DNAJC15: variants seen among roughly 807,000 people sequenced by gnomAD.
The protein encoded by DNAJC15 is DnaJ heat shock protein family (Hsp40) member C15, also known as dnaJ homolog subfamily C member 15.
In DNAJC15, 27 loss-of-function variants were observed where a neutral mutation model predicts 22.4. That is an observed-to-expected ratio of 1.20 (90% CI 0.89 to 1.66). DNAJC15 has a LOEUF of 1.66. DNAJC15 is among the 40% of genes most tolerant of loss of function. The pLI is 0.00. For synonymous variants in DNAJC15, 79 were observed against 63.2 expected (o/e 1.25, Z -1.19); for missense variants, 208 against 187.1 (o/e 1.11, Z -0.65).
intron 1 of DNAJC15, among the ~76,000 whole-genome samples, chr13:43,052,413 G>A (rs1566204784): frequency 6.6e-6 from 1 of 151,440 alleles, no homozygotes; most frequent in Non-Finnish European, 1.5e-5. Context: ...GTCTGTTCAT[G>A]TCTTAGCCCA....
chr13:43,045,956 G>A (rs1035494335), intron 1 of DNAJC15, among the ~76,000 whole-genome samples: 1 of 152,112 alleles, frequency 6.6e-6, no homozygotes, highest in African/African-American at 2.4e-5. Flanking sequence ...TATATCCCTA[G>A]GGCTTAAAAT....
At chr13:43,098,787 C>T (rs2040753512) in intron 5 of DNAJC15, among the ~76,000 whole-genome samples, 1 of 152,178 alleles carries the variant, frequency 6.6e-6, no homozygotes, top group Non-Finnish European at 1.5e-5. Flanking sequence ...GTCTTGATTA[C>T]TGTTGCTTTG....
intron 3 of DNAJC15, among the ~76,000 whole-genome samples, chr13:43,073,500 T>G (rs2040618320): frequency 6.6e-6 from 1 of 152,244 alleles, no homozygotes; most frequent in South Asian, 2.1e-4. Flanking sequence ...GACAGGTACC[T>G]GGCCTCTTAT....
intron 1 of DNAJC15, among the ~76,000 whole-genome samples, chr13:43,050,390 C>CA (rs1228440439): frequency 1.3e-5 from 2 of 152,026 alleles, no homozygotes; most frequent in East Asian, 3.9e-4. Context: ...ACTGTGGCCT[C>CA]AATCTCCTGG....
chr13:43,065,637 A>G, intron 1 of DNAJC15, 49 bp from the exon 2 acceptor site: 1 of 1,459,894 alleles, frequency 6.8e-7, no homozygotes, highest in Non-Finnish European at 9.6e-7. Context: ...ATTTACTTTT[A>G]AAACCCAGCA....
rs146124467 is a variant in DNAJC15 at position 43,081,501 on chromosome 13, C to T, written c.311+2813C>T. ...TTGCCCAGGCTGGAGTACAGTGGCA[C>T]GATCTCCCCTCACTGCAAGCTGCGC... On this transcript the variant is annotated intron_variant, in intron 4 of 5. Coordinates refer to ENST00000379221, the MANE Select transcript of DNAJC15 (RefSeq NM_013238.3). Among the ~76,000 whole-genome samples the T allele has an allele frequency of 1.5e-4, 22 of 151,632 alleles. No homozygotes were observed. In the East Asian group the frequency reaches 1.7e-3, roughly 12 times the overall value.
intron 1 of DNAJC15, among the ~76,000 whole-genome samples, chr13:43,053,437 A>T (rs554839738): frequency 6.6e-6 from 1 of 152,174 alleles, no homozygotes; most frequent in Non-Finnish European, 1.5e-5. Flanking sequence ...CTAGCTCTGT[A>T]AATGATGATG....
chr13:43,104,968 C>T (rs962206812), intron 5 of DNAJC15, among the ~76,000 whole-genome samples: 10 of 151,816 alleles, frequency 6.6e-5, no homozygotes, highest in African/African-American at 1.9e-4. Context: ...GGATTACAGG[C>T]GTGAGCCACT....
chr13:43,051,402 A>C (rs996991347), intron 1 of DNAJC15, among the ~76,000 whole-genome samples: 4 of 142,980 alleles, frequency 2.8e-5, no homozygotes, highest in African/African-American at 9.7e-5. Flanking sequence ...CCCAGTGTGT[A>C]GTCTTTTATC....
intron 5 of DNAJC15, among the ~76,000 whole-genome samples, chr13:43,104,203 A>G (rs1003837957): frequency 3.9e-5 from 6 of 152,060 alleles, no homozygotes; most frequent in African/African-American, 9.7e-5. Context: ...CCCATTGCCA[A>G]TCCCTCCCCA....
chr13:43,092,007 A>G (rs774459490), intron 5 of DNAJC15, among the ~76,000 whole-genome samples: 2 of 152,218 alleles, frequency 1.3e-5, no homozygotes, highest in Non-Finnish European at 2.9e-5. Flanking sequence ...ATATGTGAGT[A>G]AAGTTTGTTG....
At chr13:43,090,794 G>A (rs112930891) in intron 5 of DNAJC15, among the ~76,000 whole-genome samples, 6,421 of 149,908 alleles carry the variant, frequency 0.043, 468 homozygotes, top group African/African-American at 0.15. Flanking sequence ...TGCAAACTGC[G>A]CCTCCTGGGT....
chr13:43,106,752 T>G lies in DNAJC15; in HGVS notation c.383-426T>G, dbSNP rs76455409. Among the ~76,000 whole-genome samples, 135 of 151,990 alleles carry G rather than the reference T, an allele frequency of 8.9e-4. 2 individuals are homozygous for G. The East Asian group carries it at 0.022, about 25-fold the overall frequency. The stretch of plus-strand genomic sequence containing the variant: ...ACTTTAAAAGACCCCTTGGATTGAT[T>G]TACCTTCTTCAAAAAGATACCCGTT... On this transcript the variant is annotated intron_variant, in intron 5 of 5. Coordinates refer to ENST00000379221, the MANE Select transcript of DNAJC15 (RefSeq NM_013238.3).
chr13:43,045,660 G>A (rs544095500), intron 1 of DNAJC15, among the ~76,000 whole-genome samples: 2 of 152,248 alleles, frequency 1.3e-5, no homozygotes, highest in Admixed American at 1.3e-4. Context: ...GGCCATGCAG[G>A]CTCGGGCGTG....
In DNAJC15 at chr13:43,112,341, A is replaced by T. The variant is rs2040828656; in HGVS notation, c.*5093A>T. On this transcript the variant is annotated 3_prime_UTR_variant, in exon 6 of 6. Transcript: ENST00000379221. ...AGTCTGAACAGACTATATTACATAG[A>T]TGTAGAGAAATACTCAATCTTCAGC... 1 of 152,208 alleles carries T rather than the reference A, an allele frequency of 6.6e-6. No homozygotes were observed. The allele number at this position is 152,208 out of a possible 1,614,324, so 9.4% of individuals were successfully genotyped here.
chr13:43,080,669 T>C (rs1045545178), intron 4 of DNAJC15, among the ~76,000 whole-genome samples: 17 of 152,262 alleles, frequency 1.1e-4, no homozygotes, highest in Non-Finnish European at 2.4e-4. Context: ...TTCTATACTT[T>C]GGCTTCTTCA....
At chr13:43,102,332 C>G (rs1180506230) in intron 5 of DNAJC15, among the ~76,000 whole-genome samples, 1 of 151,682 alleles carries the variant, frequency 6.6e-6, no homozygotes, top group African/African-American at 2.4e-5. Flanking sequence ...GTATATTAGC[C>G]CTTTGTCAGA....
intron 5 of DNAJC15, among the ~76,000 whole-genome samples, chr13:43,106,314 G>A (rs188967893): frequency 1.3e-5 from 2 of 152,312 alleles, no homozygotes; most frequent in East Asian, 1.9e-4. Flanking sequence ...AACAATGACA[G>A]TATTGAGGAC....
chr13:43,041,046 G>C (rs981533325), intron 1 of DNAJC15, among the ~76,000 whole-genome samples: 1 of 152,168 alleles, frequency 6.6e-6, no homozygotes. Flanking sequence ...GCAAAGAGGC[G>C]TTCCTTCCTC....
Sources: allele counts gnomAD v4.1 joint callset (sites outside exome capture counted in the v4.1 genomes callset), GRCh38; gene constraint gnomAD v4.1.1; transcripts MANE v1.5; gene names NCBI Gene and HGNC (gene_info 2026-07-23, HGNC 2026-07-21).